Variants in INPP5A observed in about 807,000 individuals in gnomAD.
The protein encoded by INPP5A is 43 kDa inositol polyphosphate 5-phophatase.
INPP5A carries 14 observed loss-of-function variants against 65.2 expected under a neutral mutation model. The observed-to-expected ratio is 0.21, with a 90% confidence interval of 0.14 to 0.34. INPP5A has a LOEUF of 0.34. INPP5A is among the 10% of genes least tolerant of loss of function. The pLI is 1.00. For missense variants in INPP5A, 431 were observed against 545.6 expected (o/e 0.79, Z 2.09); for synonymous variants, 207 against 208.3 (o/e 0.99, Z 0.05).
In INPP5A at chr10:132,616,557, A is replaced by G. The variant is rs145622207; in HGVS notation, c.117+8601A>G. 4.8e-3 allele frequency among the ~76,000 whole-genome samples: 732 copies of G among 151,954 alleles called. 5 individuals carry two copies. Among genetic ancestry groups the G allele is most frequent in the African/African-American group, 0.017 (695 of 41,432 alleles). On this transcript the variant is annotated intron_variant, in intron 2 of 15. Transcript: ENST00000368594. This position sits in a 1 kb window ranked among gnomAD's most constrained non-coding sequence, Gnocchi z 4.9. ...ATGGTGTATGGGACGTGGTGGTGAC[A>G]TAGTGTGTGTTGGTGATAGGGGATG...
At chr10:132,747,733 T>C (rs571136713) in intron 9 of INPP5A, among the ~76,000 whole-genome samples, 11 of 152,286 alleles carry the variant, frequency 7.2e-5, no homozygotes, top group South Asian at 4.1e-4. Context: ...AAAACAAAAA[T>C]CATATATTAT....
At chr10:132,539,524 C>T (rs562840370) in intron 1 of INPP5A, among the ~76,000 whole-genome samples, 51 of 152,246 alleles carry the variant, frequency 3.3e-4, no homozygotes, top group Non-Finnish European at 5.6e-4. Context: ...GAGCTGAGGC[C>T]CAGGGCGCAC....
intron 1 of INPP5A, among the ~76,000 whole-genome samples, chr10:132,573,551 G>A (rs1176842145): frequency 7.0e-6 from 1 of 143,314 alleles, no homozygotes; most frequent in African/African-American, 2.8e-5. Context: ...TGGGTTGTGT[G>A]TGCTGTGGGA....
At chr10:132,731,076 G>A (rs1175666106) in intron 9 of INPP5A, among the ~76,000 whole-genome samples, 5 of 152,292 alleles carry the variant, frequency 3.3e-5, no homozygotes, top group Non-Finnish European at 1.5e-5. Context: ...CAGCCCTGAG[G>A]TGGGCCCTGG....
chr10:132,656,055 T>C (rs2072653338), intron 4 of INPP5A, among the ~76,000 whole-genome samples: 1 of 152,272 alleles, frequency 6.6e-6, no homozygotes, highest in African/African-American at 2.4e-5. Context: ...CTCTCAAAGC[T>C]TCGGCTGCTT....
chr10:132,746,899 G>A (rs1169611215), intron 9 of INPP5A, among the ~76,000 whole-genome samples: 2 of 152,336 alleles, frequency 1.3e-5, no homozygotes, highest in Admixed American at 1.3e-4. Context: ...GCCAGCTTTG[G>A]CCCCTTCAGC....
chr10:132,552,099 G>A (rs1368538889), intron 1 of INPP5A, among the ~76,000 whole-genome samples: 1 of 152,102 alleles, frequency 6.6e-6, no homozygotes, highest in African/African-American at 2.4e-5. Flanking sequence ...GGTGAAGTTG[G>A]AGTGGGATAG....
chr10:132,769,107 G>A (rs148929361), intron 12 of INPP5A, among the ~76,000 whole-genome samples: 5 of 152,352 alleles, frequency 3.3e-5, no homozygotes, highest in African/African-American at 7.2e-5. Context: ...TGTCATTGGC[G>A]GATGGTTCTG....
At chr10:132,712,627 G>A (rs1845663592) in intron 8 of INPP5A, among the ~76,000 whole-genome samples, 1 of 139,892 alleles carries the variant, frequency 7.1e-6, no homozygotes, top group Non-Finnish European at 1.6e-5. Flanking sequence ...TGTGTGTGTG[G>A]GTATATGCAT....
At chr10:132,648,187 A>G (rs1467433406) in intron 3 of INPP5A, among the ~76,000 whole-genome samples, 1 of 152,266 alleles carries the variant, frequency 6.6e-6, no homozygotes, top group East Asian at 1.9e-4. Flanking sequence ...CTTCCAGAGG[A>G]GAGAAAGTGG....
chr10:132,736,474 G>A (rs1439641400), intron 9 of INPP5A, among the ~76,000 whole-genome samples: 5 of 152,262 alleles, frequency 3.3e-5, no homozygotes, highest in South Asian at 2.1e-4. Context: ...CGTTGGGGGC[G>A]TTGACATCCA....
intron 2 of INPP5A, among the ~76,000 whole-genome samples, chr10:132,612,477 C>T (rs1243070270): frequency 6.8e-6 from 1 of 146,084 alleles, no homozygotes; most frequent in Non-Finnish European, 1.5e-5. Flanking sequence ...GGAGGCTGTG[C>T]AGGTGCCCTG....
At chr10:132,646,798 G>A (rs967416908) in intron 3 of INPP5A, among the ~76,000 whole-genome samples, 1 of 152,102 alleles carries the variant, frequency 6.6e-6, no homozygotes, top group Admixed American at 6.5e-5. Flanking sequence ...TCTGTGGGCC[G>A]ACGCCGCTGC....
chr10:132,688,089 TC>T (rs1845171601), intron 4 of INPP5A, among the ~76,000 whole-genome samples: 1 of 152,134 alleles, frequency 6.6e-6, no homozygotes, highest in Non-Finnish European at 1.5e-5. Flanking sequence ...CTGCACAGCC[TC>T]CAGGGAGCTT....
chr10:132,683,060 A>G (rs1590922522), intron 4 of INPP5A, among the ~76,000 whole-genome samples: 1 of 149,382 alleles, frequency 6.7e-6, no homozygotes, highest in Non-Finnish European at 1.5e-5. Flanking sequence ...TGTGTATTAT[A>G]TACATATGTA....
chr10:132,770,512 A>T (rs1846930406), intron 12 of INPP5A, among the ~76,000 whole-genome samples: 2 of 152,182 alleles, frequency 1.3e-5, no homozygotes, highest in South Asian at 4.1e-4. Flanking sequence ...AGACTGCATC[A>T]TTCATTTATT....
At chr10:132,731,683 G>A (rs907063506) in intron 9 of INPP5A, among the ~76,000 whole-genome samples, 11 of 152,214 alleles carry the variant, frequency 7.2e-5, no homozygotes, top group South Asian at 2.1e-4. Context: ...CTCCAGCCCC[G>A]CGATCAGCTT....
intron 5 of INPP5A, among the ~76,000 whole-genome samples, chr10:132,696,740 A>G (rs960736907): frequency 2.6e-5 from 4 of 152,200 alleles, no homozygotes; most frequent in South Asian, 4.1e-4. Context: ...TCTCCTGTCC[A>G]TGAGGCACCC....
At chr10:132,589,752 C>T (rs974730894) in intron 1 of INPP5A, among the ~76,000 whole-genome samples, 2 of 152,272 alleles carry the variant, frequency 1.3e-5, no homozygotes, top group Non-Finnish European at 2.9e-5. Flanking sequence ...AGAGAGCAGA[C>T]AGACCAGAGG....
Sources: allele counts gnomAD v4.1 joint callset (sites outside exome capture counted in the v4.1 genomes callset), GRCh38; gene constraint gnomAD v4.1.1; non-coding constraint Gnocchi (gnomAD v3.1); transcripts MANE v1.5; gene names NCBI Gene and HGNC (gene_info 2026-07-23, HGNC 2026-07-21).